CEMIP: variants seen among roughly 807,000 people sequenced by gnomAD.
CEMIP encodes cell migration-inducing and hyaluronan-binding protein.
CEMIP carries 105 observed loss-of-function variants against 156.9 expected under a neutral mutation model. The ratio of observed to expected loss-of-function variants is 0.67; its 90% CI spans 0.57 to 0.79. The LOEUF (loss-of-function observed/expected upper bound fraction) is 0.79, where lower values mean the gene tolerates loss of function less well. Among genes scored for constraint, CEMIP ranks in the 30% least tolerant of loss-of-function variants. CEMIP has a pLI of 0.00. For synonymous variants in CEMIP, 676 were observed against 668.4 expected (o/e 1.01, Z -0.17); for missense variants, 1,457 against 1,769.4 (o/e 0.82, Z 3.17).
At chr15:80,808,691 G>C (rs1481199336) in intron 1 of CEMIP, among the ~76,000 whole-genome samples, 2 of 151,930 alleles carry the variant, frequency 1.3e-5, no homozygotes, top group Non-Finnish European at 2.9e-5. Flanking sequence ...GAAGTAGTTT[G>C]GGTAGCATCT....
rs1017012491 is a variant in CEMIP, at chr15:80,932,360, G to C, written c.2793+321G>C. On this transcript the variant is annotated intron_variant, in intron 22 of 29. Coordinates refer to ENST00000394685, the MANE Select transcript of CEMIP (RefSeq NM_001293298.2). The surrounding 1 kb of genome is among the most constrained non-coding windows in gnomAD (Gnocchi z 4.5). ...AAGGGACTTGACTTTGACAAACTGAGTCTTCTGACCAGGCCACCTGAGTTG... is the reference window on the plus strand; with the variant it reads ...AAGGGACTTGACTTTGACAAACTGACTCTTCTGACCAGGCCACCTGAGTTG... Among the ~76,000 whole-genome samples, 1 of 152,182 alleles carries C rather than the reference G, an allele frequency of 6.6e-6. No homozygotes were observed. Among genetic ancestry groups the C allele is most frequent in the African/African-American group, 2.4e-5 (1 of 41,448 alleles).
intron 1 of CEMIP, among the ~76,000 whole-genome samples, chr15:80,803,417 A>G (rs1013475693): frequency 1.3e-5 from 2 of 152,210 alleles, no homozygotes; most frequent in African/African-American, 4.8e-5. Flanking sequence ...CCAAAGTTCT[A>G]GGCACTGGAT....
chr15:80,915,338 G>A (rs893752692), intron 14 of CEMIP, among the ~76,000 whole-genome samples: 5 of 152,222 alleles, frequency 3.3e-5, no homozygotes, highest in Non-Finnish European at 7.3e-5. Context: ...AGTCAGTCTG[G>A]CCTACGCCCA....
rs930128520 is a variant in CEMIP, at chr15:80,889,680, G to A, written c.1086+88G>A. 26 of 1,553,472 alleles carry A rather than the reference G, an allele frequency of 1.7e-5. No individual in the cohort carries two copies. The Admixed American group carries it at 3.4e-4, about 20-fold the overall frequency. On this transcript the variant is annotated intron_variant, in intron 10 of 29. Coordinates refer to ENST00000394685, the MANE Select transcript of CEMIP (RefSeq NM_001293298.2). ...TCACAGACATTCTTGTCACTTGGGT[G>A]CTGTGATTCTCGTTGCCCTCCTGTG...
At chr15:80,900,386 G>A (rs184662437) in intron 12 of CEMIP, among the ~76,000 whole-genome samples, 7 of 152,200 alleles carry the variant, frequency 4.6e-5, no homozygotes, top group East Asian at 1.9e-4. Context: ...AAGATCCTGC[G>A]CCCACCTCAA....
chr15:80,907,663 G>A (rs1281508331), intron 13 of CEMIP, among the ~76,000 whole-genome samples: 1 of 152,170 alleles, frequency 6.6e-6, no homozygotes. Context: ...TGAGCTGCAG[G>A]GTTCTTACCG....
intron 23 of CEMIP, 148 bp downstream of exon 23, chr15:80,933,608 T>C: frequency 1.5e-6 from 1 of 656,622 alleles, no homozygotes; most frequent in Non-Finnish European, 2.6e-6. Flanking sequence ...TTTTATTTTT[T>C]CCCCTCACCC....
Position 80,801,772 on chromosome 15 carries a change from T to C in CEMIP, c.-176+22158T>C, listed in dbSNP as rs8025037. On this transcript the variant is annotated intron_variant, in intron 1 of 29. Transcript: ENST00000394685. Reference sequence around the variant, plus strand: ...TTCCATACTGTGGGTTCCATACCTATAGATTCAACCAATTGCAAACTGAAA... The same window carrying C: ...TTCCATACTGTGGGTTCCATACCTACAGATTCAACCAATTGCAAACTGAAA... Among the ~76,000 whole-genome samples the C allele has an allele frequency of 2.8e-3, 430 of 152,360 alleles. 1 individual carries two copies. Among genetic ancestry groups the C allele is most frequent in the Non-Finnish European group, 5.1e-3 (344 of 68,036 alleles).
chr15:80,948,395 G>C, intron 29 of CEMIP: 1 of 329,648 alleles, frequency 3.0e-6, no homozygotes, highest in Non-Finnish European at 6.0e-6. Flanking sequence ...AGATCTTGTA[G>C]ATCAATGCCA....
chr15:80,910,097 C>G (rs867026483), intron 14 of CEMIP, among the ~76,000 whole-genome samples: 14 of 152,300 alleles, frequency 9.2e-5, no homozygotes, highest in African/African-American at 3.1e-4. Context: ...TAAGCTGAAT[C>G]CAGCTACACG....
At chr15:80,785,641 G>C (rs998393542) in intron 1 of CEMIP, among the ~76,000 whole-genome samples, 1 of 152,200 alleles carries the variant, frequency 6.6e-6, no homozygotes, top group Non-Finnish European at 1.5e-5. Context: ...GTCAAGAGGA[G>C]TGGAGGGCGT....
intron 10 of CEMIP, among the ~76,000 whole-genome samples, chr15:80,894,494 A>T (rs980188944): frequency 7.9e-5 from 12 of 152,190 alleles, no homozygotes; most frequent in African/African-American, 2.7e-4. Flanking sequence ...AACTTTTCAA[A>T]GTCCAGATGT....
At chr15:80,878,634 A>G in intron 3 of CEMIP, 87 bp from the exon 4 acceptor site, 2 of 1,566,334 alleles carry the variant, frequency 1.3e-6, no homozygotes, top group Non-Finnish European at 1.8e-6. Flanking sequence ...GGCCTTAAAG[A>G]TGCATGGGAG....
chr15:80,881,250 G>A, intron 6 of CEMIP, 114 bp downstream of exon 6: 3 of 918,708 alleles, frequency 3.3e-6, no homozygotes, highest in Non-Finnish European at 5.4e-6. Context: ...GAATGAAACA[G>A]ATGGGAATCC....
Position 80,874,498 on chromosome 15 carries a change from G to T in CEMIP, c.94+525G>T, listed in dbSNP as rs117795145. The stretch of plus-strand genomic sequence containing the variant: ...AAAAAAAACAAAAACAAAAAAACAC[G>T]TATCTGAGAAATATCTTTCCAACTC... On this transcript the variant is annotated intron_variant, in intron 3 of 29. Coordinates refer to ENST00000394685, the MANE Select transcript of CEMIP (RefSeq NM_001293298.2). Among the ~76,000 whole-genome samples the T allele has an allele frequency of 1.5e-3, 230 of 151,992 alleles. 2 individuals carry two copies. Among genetic ancestry groups the T allele is most frequent in the Middle Eastern group, 0.014 (4 of 292 alleles).
chr15:80,934,617 C>T (rs2903448), intron 23 of CEMIP, among the ~76,000 whole-genome samples: 125,354 of 152,134 alleles, frequency 0.82, 51,939 homozygotes, highest in African/African-American at 0.87. Context: ...TTATCACCAC[C>T]GTGGGTGTCA....
intron 1 of CEMIP, among the ~76,000 whole-genome samples, chr15:80,792,808 G>A (rs1324084962): frequency 2.6e-5 from 4 of 152,034 alleles, no homozygotes; most frequent in Non-Finnish European, 5.9e-5. Context: ...GTGTCTCCTC[G>A]GTGTGGTGTC....
At chr15:80,933,602 A>AT (rs1405192086) in intron 23 of CEMIP, 142 bp downstream of exon 23, 5 of 665,668 alleles carry the variant, frequency 7.5e-6, no homozygotes, top group African/African-American at 5.5e-5. Flanking sequence ...CTTTCCTTTT[A>AT]TTTTTTCCCC....
chr15:80,893,786 G>T (rs1233231914), intron 10 of CEMIP, among the ~76,000 whole-genome samples: 2 of 151,980 alleles, frequency 1.3e-5, no homozygotes, highest in East Asian at 3.9e-4. Flanking sequence ...CCAAGCCAAA[G>T]ATAACGGAGC....
Sources: allele counts gnomAD v4.1 joint callset (sites outside exome capture counted in the v4.1 genomes callset), GRCh38; gene constraint gnomAD v4.1.1; non-coding constraint Gnocchi (gnomAD v3.1); transcripts MANE v1.5; gene names NCBI Gene and HGNC (gene_info 2026-07-23, HGNC 2026-07-21).